C12orf75: variants seen among roughly 807,000 people sequenced by gnomAD.
C12orf75 encodes chromosome 12 open reading frame 75.
In C12orf75, 4 loss-of-function variants were observed where a neutral mutation model predicts 11.4. The ratio of observed to expected loss-of-function variants is 0.35; its 90% CI spans 0.17 to 0.80. C12orf75 has a LOEUF of 0.80. Among genes scored for constraint, C12orf75 ranks in the 30% least tolerant of loss-of-function variants. The pLI is 0.52. For synonymous variants in C12orf75, 30 were observed against 30.0 expected (o/e 1.00, Z 0.00); for missense variants, 89 against 80.4 (o/e 1.11, Z -0.41).
chr12:105,338,137 T>A (rs1892519215), intron 1 of C12orf75, among the ~76,000 whole-genome samples: 2 of 152,242 alleles, frequency 1.3e-5, no homozygotes, highest in South Asian at 2.1e-4. Context: ...CACTAACTTA[T>A]GCCTGTACTT....
chr12:105,352,729 CT>C lies in C12orf75; in HGVS notation c.71+4104del, dbSNP rs1199597070. Among the ~76,000 whole-genome samples, 3 of 152,178 alleles carry C rather than the reference CT, an allele frequency of 2.0e-5. No homozygotes were observed. The East Asian group carries it at 5.8e-4, about 29-fold the overall frequency. ...GGTGGTTTGGGGAGGGGGTTTCTCT[CT>C]GGTGGTGGAGAGAATAACGATGCAT... On this transcript the variant is annotated intron_variant, in intron 2 of 5. Transcript: ENST00000443585.
intron 1 of C12orf75, among the ~76,000 whole-genome samples, chr12:105,336,556 G>A (rs953201485): frequency 3.9e-5 from 6 of 152,170 alleles, no homozygotes; most frequent in Admixed American, 1.3e-4. Context: ...AGCCACTGAA[G>A]GCGTGTACGT....
At chr12:105,333,558 G>C (rs899946671) in intron 1 of C12orf75, among the ~76,000 whole-genome samples, 2 of 152,104 alleles carry the variant, frequency 1.3e-5, no homozygotes, top group African/African-American at 4.8e-5. Context: ...TTGTAGAAAG[G>C]GTGCTGAACT....
At chr12:105,347,239 A>G (rs1309959768) in intron 1 of C12orf75, among the ~76,000 whole-genome samples, 1 of 152,264 alleles carries the variant, frequency 6.6e-6, no homozygotes, top group Non-Finnish European at 1.5e-5. Flanking sequence ...GTGGTGTATT[A>G]GGGTTCTCCA....
At chr12:105,337,872 G>C (rs1243351002) in intron 1 of C12orf75, among the ~76,000 whole-genome samples, 1 of 151,998 alleles carries the variant, frequency 6.6e-6, no homozygotes, top group Non-Finnish European at 1.5e-5. Flanking sequence ...ACAAGGATGG[G>C]GTATGGTGGG....
chr12:105,342,056 C>CT (rs2136142445), intron 1 of C12orf75, among the ~76,000 whole-genome samples: 1 of 152,326 alleles, frequency 6.6e-6, no homozygotes, highest in South Asian at 2.1e-4. Context: ...ATTACCCAGT[C>CT]TAGGGTATGT....
chr12:105,366,513 G>T (rs561874753), intron 3 of C12orf75, 104 bp from the exon 4 acceptor site: 2 of 485,742 alleles, frequency 4.1e-6, no homozygotes, highest in African/African-American at 2.0e-5. Flanking sequence ...GAAAAATCAT[G>T]AGTTATTTTA....
At chr12:105,351,860 T>A (rs1005683763) in intron 2 of C12orf75, among the ~76,000 whole-genome samples, 17 of 152,082 alleles carry the variant, frequency 1.1e-4, no homozygotes, top group South Asian at 2.1e-4. Flanking sequence ...TGTTTTTTTT[T>A]ATGCATTCAA....
In C12orf75 at chr12:105,358,006, G is replaced by A. The variant is rs565247706; in HGVS notation, c.72-7801G>A. Among the ~76,000 whole-genome samples, 14 of 152,068 alleles carry A rather than the reference G, an allele frequency of 9.2e-5. No individual in the cohort carries two copies. The East Asian group carries it at 2.3e-3, about 25-fold the overall frequency. On this transcript the variant is annotated intron_variant, in intron 2 of 5. Transcript: ENST00000443585. ...ACTACAGGTGCAAGCCAGCATGCTT[G>A]GCTATTTTATTTTGTATTTTTTGAA...
intron 1 of C12orf75, among the ~76,000 whole-genome samples, 167 bp from the exon 2 acceptor site, chr12:105,348,435 A>G (rs958258200): frequency 6.6e-6 from 1 of 151,994 alleles, no homozygotes; most frequent in Admixed American, 6.6e-5. Context: ...AAAAAAAAAA[A>G]AAGATTTGAA....
intron 1 of C12orf75, among the ~76,000 whole-genome samples, chr12:105,347,584 C>G (rs1008517728): frequency 2.6e-5 from 4 of 152,150 alleles, no homozygotes; most frequent in African/African-American, 9.6e-5. Context: ...TTTCCACCTT[C>G]TTCTGCCTGC....
chr12:105,359,773 GAA>G (rs34188320), intron 2 of C12orf75, among the ~76,000 whole-genome samples: 10 of 83,228 alleles, frequency 1.2e-4, no homozygotes, highest in Admixed American at 1.4e-4. Context: ...TCCTTCTCCA[GAA>G]AAAAAAAAAA....
intron 1 of C12orf75, among the ~76,000 whole-genome samples, chr12:105,344,968 C>CT (rs1381718357): frequency 6.8e-6 from 1 of 147,788 alleles, no homozygotes; most frequent in Non-Finnish European, 1.5e-5. Flanking sequence ...TTCTAAGCCC[C>CT]CCCCCAACCA....
At chr12:105,360,509 G>A (rs10861406) in intron 2 of C12orf75, among the ~76,000 whole-genome samples, 71,199 of 152,020 alleles carry the variant, frequency 0.47, 17,990 homozygotes, top group East Asian at 0.68. Context: ...GTGTGCCTAC[G>A]GTGATGTGTA....
intron 1 of C12orf75, among the ~76,000 whole-genome samples, chr12:105,344,967 C>T (rs1037253625): frequency 2.1e-5 from 3 of 146,174 alleles, no homozygotes; most frequent in Non-Finnish European, 3.0e-5. Flanking sequence ...ATTCTAAGCC[C>T]CCCCCCAACC....
intron 1 of C12orf75, 91 bp downstream of exon 1, chr12:105,331,028 G>GC: frequency 1.2e-6 from 1 of 807,802 alleles, no homozygotes; most frequent in Non-Finnish European, 1.7e-6. Context: ...GGGGCGCGCA[G>GC]CCCCCTCTCC....
At chr12:105,363,243 G>A (rs972033520) in intron 2 of C12orf75, among the ~76,000 whole-genome samples, 1 of 152,250 alleles carries the variant, frequency 6.6e-6, no homozygotes, top group Non-Finnish European at 1.5e-5. Flanking sequence ...ATGGATGCAC[G>A]TGCAGTGTCC....
At chr12:105,369,422 T>A (rs763873795) in intron 5 of C12orf75, among the ~76,000 whole-genome samples, 4 of 152,194 alleles carry the variant, frequency 2.6e-5, no homozygotes, top group Non-Finnish European at 4.4e-5. Flanking sequence ...CTATTACCCT[T>A]ACATTTTATT....
chr12:105,332,931 A>C (rs1047228843), intron 1 of C12orf75, among the ~76,000 whole-genome samples: 4 of 96,474 alleles, frequency 4.1e-5, no homozygotes, highest in African/African-American at 1.3e-4. Flanking sequence ...AGTCATATTG[A>C]AAAAAAAAAA....
Sources: gnomAD v4.1 joint callset for allele counts (sites outside exome capture counted in the v4.1 genomes callset) on GRCh38, gnomAD v4.1.1 for gene constraint, MANE v1.5 for transcripts, NCBI Gene and HGNC (gene_info 2026-07-23, HGNC 2026-07-21) for gene names.